Variants in NRG3 observed in about 807,000 individuals in gnomAD.
The protein encoded by NRG3 is pro-neuregulin-3, membrane-bound isoform.
In NRG3, 31 loss-of-function variants were observed where a neutral mutation model predicts 66.9. That is an observed-to-expected ratio of 0.46 (90% CI 0.35 to 0.63). The LOEUF is 0.63. NRG3 is among the 20% of genes least tolerant of loss of function. The probability of loss-of-function intolerance (pLI) is 0.00; values close to 1 mark genes in which losing one functional copy is unlikely to be tolerated. For synonymous variants in NRG3, 393 were observed against 359.4 expected (o/e 1.09, Z -1.06); for missense variants, 910 against 878.9 (o/e 1.04, Z -0.45).
intron 2 of NRG3, among the ~76,000 whole-genome samples, chr10:82,531,377 T>C (rs1013861340): frequency 1.3e-4 from 20 of 151,814 alleles, no homozygotes; most frequent in African/African-American, 4.6e-4. Context: ...ATGATGTTAT[T>C]TTTTACATGT....
Position 82,248,123 on chromosome 10 carries a change from C to A in NRG3, c.824-110616C>A, listed in dbSNP as rs1473464475. ...ACTGCTTGCAATGTATAACCGTAAC[C>A]CTGCTCTAAAACTACTGACCTAACA... On this transcript the variant is annotated intron_variant, in intron 1 of 8. Coordinates refer to ENST00000372141, the MANE Select transcript of NRG3 (RefSeq NM_001010848.4). Among the ~76,000 whole-genome samples, 3 of 152,122 alleles carry A rather than the reference C, an allele frequency of 2.0e-5. No individual in the cohort carries two copies. The East Asian group carries it at 5.8e-4, about 29-fold the overall frequency.
rs1034872629 is a variant in NRG3 at position 82,987,010 on chromosome 10, T to G, written c.*1405T>G. ...AATAAAGCAATATTTTTACCACTGCTAAGGTGAACTGAAACCTCTCCTGAA... is the reference window on the plus strand; with the variant it reads ...AATAAAGCAATATTTTTACCACTGCGAAGGTGAACTGAAACCTCTCCTGAA... On this transcript the variant is annotated 3_prime_UTR_variant, in exon 9 of 9. Coordinates refer to ENST00000372141, the MANE Select transcript of NRG3 (RefSeq NM_001010848.4). 3 of 152,234 alleles carry G rather than the reference T, an allele frequency of 2.0e-5. No homozygotes were observed. Among genetic ancestry groups the G allele is most frequent in the African/African-American group, 7.2e-5 (3 of 41,470 alleles). 9.4% of individuals were successfully genotyped at this position (152,234 alleles called of 1,614,324 possible).
In NRG3 at chr10:82,704,837, T is replaced by C. The variant is rs2056166259; in HGVS notation, c.954-33740T>C. On this transcript the variant is annotated intron_variant, in intron 2 of 8. Coordinates refer to ENST00000372141, the MANE Select transcript of NRG3 (RefSeq NM_001010848.4). Reference sequence around the variant, plus strand: ...TCAAAATATTTTAAAATTTTCATGTTTGAGAATTAATTCAACTCATAATTC... The same window carrying C: ...TCAAAATATTTTAAAATTTTCATGTCTGAGAATTAATTCAACTCATAATTC... Among the ~76,000 whole-genome samples, 3 of 152,320 alleles carry C rather than the reference T, an allele frequency of 2.0e-5. No individual in the cohort carries two copies. The South Asian group carries it at 6.2e-4, about 32-fold the overall frequency.
chr10:82,445,231 A>G (rs751308917), intron 2 of NRG3, among the ~76,000 whole-genome samples: 19 of 151,916 alleles, frequency 1.3e-4, no homozygotes, highest in Non-Finnish European at 2.2e-4. Flanking sequence ...CCCAAACTGT[A>G]TGTATCCCTT....
intron 2 of NRG3, among the ~76,000 whole-genome samples, chr10:82,426,658 G>A (rs2089470868): frequency 1.4e-5 from 2 of 147,184 alleles, no homozygotes; most frequent in East Asian, 2.0e-4. Flanking sequence ...TTTGAGACAG[G>A]GTCTCACTTT....
intron 2 of NRG3, among the ~76,000 whole-genome samples, chr10:82,676,090 A>T (rs2053661381): frequency 6.6e-6 from 1 of 152,210 alleles, no homozygotes; most frequent in South Asian, 2.1e-4. Context: ...TAACAGGAAA[A>T]AGCAACAGCA....
chr10:82,569,430 T>C lies in NRG3; in HGVS notation c.954-169147T>C, dbSNP rs1001751078. 2.0e-5 allele frequency among the ~76,000 whole-genome samples: 3 copies of C among 151,822 alleles called. No individual in the cohort carries two copies. The South Asian group carries it at 6.2e-4, about 31-fold the overall frequency. On this transcript the variant is annotated intron_variant, in intron 2 of 8. Transcript: ENST00000372141. ...AACTTTAACTGATTTTCCCCTTCTG[T>C]CTTACAATATTGTTGGGAGAACCAG...
intron 1 of NRG3, among the ~76,000 whole-genome samples, chr10:82,128,349 T>A (rs967287268): frequency 2.7e-4 from 41 of 152,044 alleles, no homozygotes; most frequent in African/African-American, 8.9e-4. Context: ...CTTAAAAATG[T>A]TTTTAAAAAC....
chr10:82,410,457 ATATATATG>A (rs1417506276), intron 2 of NRG3, among the ~76,000 whole-genome samples: 1 of 148,812 alleles, frequency 6.7e-6, no homozygotes, highest in Non-Finnish European at 1.5e-5. Flanking sequence ...ATACATATAT[ATATATATG>A]TATATATATA....
chr10:82,036,528 T>G (rs1224440270), intron 1 of NRG3, among the ~76,000 whole-genome samples: 2 of 152,162 alleles, frequency 1.3e-5, no homozygotes, highest in Non-Finnish European at 2.9e-5. Context: ...AGCTTATGCT[T>G]TATGTTATAT....
intron 1 of NRG3, among the ~76,000 whole-genome samples, chr10:82,324,313 C>T (rs72827348): frequency 0.19 from 29,021 of 151,910 alleles, 3,036 homozygotes; most frequent in East Asian, 0.28. Flanking sequence ...ACTTTTTTCC[C>T]TACCCTCGTC....
At chr10:82,906,241 C>T (rs1844726050) in intron 4 of NRG3, among the ~76,000 whole-genome samples, 4 of 152,170 alleles carry the variant, frequency 2.6e-5, no homozygotes, top group Non-Finnish European at 5.9e-5. Flanking sequence ...GGGCTTTATT[C>T]CCTTCTGCTC....
chr10:82,294,035 A>C (rs947154970), intron 1 of NRG3, among the ~76,000 whole-genome samples: 2 of 152,040 alleles, frequency 1.3e-5, no homozygotes, highest in African/African-American at 4.8e-5. Context: ...CCTGCCAGCA[A>C]ATGCCCCGCT....
intron 1 of NRG3, among the ~76,000 whole-genome samples, chr10:82,063,408 A>G (rs1008114042): frequency 7.2e-5 from 11 of 152,004 alleles, no homozygotes; most frequent in Admixed American, 5.9e-4. Context: ...ATGAGAAAGT[A>G]TAAACATATT....
chr10:82,147,415 T>G (rs931503719), intron 1 of NRG3, among the ~76,000 whole-genome samples: 7 of 152,214 alleles, frequency 4.6e-5, no homozygotes, highest in Admixed American at 3.9e-4. Context: ...TCTATTTACC[T>G]GGTTGTCCTT....
intron 4 of NRG3, among the ~76,000 whole-genome samples, chr10:82,883,618 T>G (rs1160813786): frequency 6.6e-6 from 1 of 152,154 alleles, no homozygotes; most frequent in Non-Finnish European, 1.5e-5. Context: ...CACCTCATAG[T>G]CTCTCTAGTC....
chr10:82,376,618 C>G (rs895648442), intron 2 of NRG3, among the ~76,000 whole-genome samples: 3 of 152,120 alleles, frequency 2.0e-5, no homozygotes, highest in Non-Finnish European at 2.9e-5. Context: ...TATTCTGCTC[C>G]CCAAGCACCA....
chr10:82,280,340 T>C (rs1379708702), intron 1 of NRG3, among the ~76,000 whole-genome samples: 1 of 151,466 alleles, frequency 6.6e-6, no homozygotes, highest in Admixed American at 6.6e-5. Context: ...TTTTTTTTGG[T>C]GTGCTGCCAA....
At chr10:82,136,871 C>T (rs1208686384) in intron 1 of NRG3, among the ~76,000 whole-genome samples, 1 of 152,164 alleles carries the variant, frequency 6.6e-6, no homozygotes, top group African/African-American at 2.4e-5. Context: ...TGCGAAGTCT[C>T]ACAATCACTG....
Sources: allele counts gnomAD v4.1 joint callset (sites outside exome capture counted in the v4.1 genomes callset), GRCh38; gene constraint gnomAD v4.1.1; transcripts MANE v1.5; gene names NCBI Gene and HGNC (gene_info 2026-07-23, HGNC 2026-07-21).